Variants in PIK3R4 observed in about 807,000 individuals in gnomAD.
PIK3R4 encodes the protein phosphoinositide-3-kinase regulatory subunit 4.
In PIK3R4, 46 loss-of-function variants were observed where a neutral mutation model predicts 136.5. That is an observed-to-expected ratio of 0.34 (90% CI 0.27 to 0.43). The LOEUF is 0.43. Ranked by LOEUF, PIK3R4 falls within the 20% of genes least tolerant of loss-of-function variation. The probability of loss-of-function intolerance (pLI) is 1.00; values close to 1 mark genes in which losing one functional copy is unlikely to be tolerated. For synonymous variants in PIK3R4, 557 were observed against 566.7 expected (o/e 0.98, Z 0.24); for missense variants, 1,331 against 1,649.5 (o/e 0.81, Z 3.35).
intron 9 of PIK3R4, among the ~76,000 whole-genome samples, chr3:130,713,002 T>C (rs1421504341): frequency 1.3e-5 from 2 of 152,252 alleles, no homozygotes; most frequent in Non-Finnish European, 2.9e-5. Flanking sequence ...CTGCACTATA[T>C]GAACATAAGC....
intron 5 of PIK3R4, among the ~76,000 whole-genome samples, chr3:130,729,685 T>C (rs1225956179): frequency 9.9e-5 from 15 of 152,194 alleles, no homozygotes; most frequent in Admixed American, 9.8e-4. Flanking sequence ...CAAGTAACAA[T>C]TGTAGTTGTT....
rs1383413197 is a variant in PIK3R4 at position 130,723,436 on chromosome 3, A to T, written c.1959T>A (p.Val653=). 3 of 1,602,862 alleles carry T rather than the reference A, an allele frequency of 1.9e-6. No homozygotes were observed. The African/African-American group carries it at 4.0e-5, about 22-fold the overall frequency. The part of the protein sequence containing the change: ...CQLGLLQKPH[V]YEFASDIAPF... ...TACCAATATCACTGGCAAATTCGTA[A>T]ACATGGGGTTTTTGTAGCAGTCCTA... is the stretch of plus-strand genomic sequence containing the variant. Residue 653 remains valine (V), a synonymous_variant, in exon 7 of 20, where the codon GTT becomes GTA. Coordinates refer to ENST00000356763, the MANE Select transcript of PIK3R4 (RefSeq NM_014602.3).
intron 6 of PIK3R4, among the ~76,000 whole-genome samples, chr3:130,724,163 A>G (rs919000014): frequency 1.3e-5 from 2 of 152,212 alleles, no homozygotes; most frequent in African/African-American, 2.4e-5. Flanking sequence ...ATAGATTCTA[A>G]GCAACAAATA....
At chr3:130,708,139 CA>C (rs2066615793) in intron 10 of PIK3R4, 151 bp downstream of exon 10, 1 of 623,724 alleles carries the variant, frequency 1.6e-6, no homozygotes, top group Non-Finnish European at 2.7e-6. Context: ...TTTTCTTCCC[CA>C]AAATCTCCCT....
chr3:130,731,445 T>C (rs888154967), intron 4 of PIK3R4, among the ~76,000 whole-genome samples: 7 of 152,070 alleles, frequency 4.6e-5, no homozygotes, highest in African/African-American at 1.7e-4. Context: ...ATGCTCTGAA[T>C]AGAATAAAAA....
chr3:130,706,313 T>C (rs569478518), intron 11 of PIK3R4, among the ~76,000 whole-genome samples: 3 of 152,188 alleles, frequency 2.0e-5, no homozygotes, highest in Non-Finnish European at 2.9e-5. Context: ...CTCAGAACCT[T>C]ACATTAGCCA....
chr3:130,717,321 T>C (rs2107612924), intron 8 of PIK3R4, among the ~76,000 whole-genome samples: 1 of 152,264 alleles, frequency 6.6e-6, no homozygotes, highest in East Asian at 1.9e-4. Flanking sequence ...AAATGAATAA[T>C]TAGCCTCTCA....
chr3:130,730,706 C>CA (rs767601811), intron 4 of PIK3R4, among the ~76,000 whole-genome samples: 258 of 123,476 alleles, frequency 2.1e-3, no homozygotes, highest in African/African-American at 4.8e-3. Flanking sequence ...TACTGAGGAC[C>CA]AAAAAAAAAA....
At chr3:130,721,885 A>G (rs2066703205) in intron 7 of PIK3R4, among the ~76,000 whole-genome samples, 2 of 152,300 alleles carry the variant, frequency 1.3e-5, no homozygotes, top group South Asian at 4.1e-4. Flanking sequence ...ACTAGGGTGT[A>G]ACTCTTAAAT....
In PIK3R4 at chr3:130,716,392, C is replaced by A; in HGVS notation, c.2331+4G>T. On this transcript the variant is annotated splice_donor_region_variant and intron_variant, in intron 9 of 19. Coordinates refer to ENST00000356763, the MANE Select transcript of PIK3R4 (RefSeq NM_014602.3). ...AATGTAAGACTTTGGAAGGGTGATA[C>A]AACCTGTGAGAGCAACTTCTTCAGA... 6.2e-7 allele frequency: 1 copy of A among 1,612,124 alleles called. No individual in the cohort carries two copies. The highest frequency in any genetic ancestry group is 8.5e-7 in the Non-Finnish European group (1 of 1,178,272).
At chr3:130,726,936 G>A (rs2066735064) in intron 6 of PIK3R4, among the ~76,000 whole-genome samples, 1 of 151,998 alleles carries the variant, frequency 6.6e-6, no homozygotes, top group Admixed American at 6.6e-5. Flanking sequence ...TTCAGGAACT[G>A]AGTTAGATGA....
At chr3:130,723,644 T>G in intron 6 of PIK3R4, 57 bp from the exon 7 acceptor site, 1 of 1,435,562 alleles carries the variant, frequency 7.0e-7, no homozygotes, top group African/African-American at 1.4e-5. Flanking sequence ...ACATATATCA[T>G]TAAGTAAAGC....
chr3:130,743,229 A>C (rs1249164152), intron 2 of PIK3R4, among the ~76,000 whole-genome samples: 2 of 151,750 alleles, frequency 1.3e-5, no homozygotes, highest in African/African-American at 2.4e-5. Flanking sequence ...TGGGCAACAC[A>C]GTAAAATAGT....
intron 1 of PIK3R4, among the ~76,000 whole-genome samples, chr3:130,746,054 A>G (rs982288362): frequency 1.4e-4 from 22 of 152,052 alleles, no homozygotes; most frequent in African/African-American, 4.8e-4. Flanking sequence ...GAAAAACTGA[A>G]AACTGAAAAG....
chr3:130,688,100 CAA>C (rs915466540), intron 14 of PIK3R4, among the ~76,000 whole-genome samples: 1 of 152,136 alleles, frequency 6.6e-6, no homozygotes, highest in Non-Finnish European at 1.5e-5. Flanking sequence ...TATGCATACA[CAA>C]ATATCATGAG....
At chr3:130,732,128 CG>C (rs2066762917) in intron 4 of PIK3R4, among the ~76,000 whole-genome samples, 1 of 152,160 alleles carries the variant, frequency 6.6e-6, no homozygotes, top group African/African-American at 2.4e-5. Flanking sequence ...AGAATTAGAC[CG>C]GATACATTTG....
chr3:130,703,941 C>T, intron 12 of PIK3R4, 53 bp from the exon 13 acceptor site: 1 of 1,134,148 alleles, frequency 8.8e-7, no homozygotes, highest in South Asian at 1.4e-5. Flanking sequence ...AATACAATGT[C>T]CCCATCATCC....
At chr3:130,708,033 T>C (rs936220656) in intron 10 of PIK3R4, among the ~76,000 whole-genome samples, 2 of 152,212 alleles carry the variant, frequency 1.3e-5, no homozygotes, top group African/African-American at 4.8e-5. Context: ...GTGATTTTAC[T>C]GTAAAAGTAG....
At chr3:130,699,565 G>C (rs1182287637) in intron 13 of PIK3R4, among the ~76,000 whole-genome samples, 1 of 152,150 alleles carries the variant, frequency 6.6e-6, no homozygotes, top group Non-Finnish European at 1.5e-5. Context: ...TGAGAGTCAG[G>C]TGTTTTTCTT....
Sources: gnomAD v4.1 joint callset for allele counts (sites outside exome capture counted in the v4.1 genomes callset) on GRCh38, gnomAD v4.1.1 for gene constraint, MANE v1.5 for transcripts, NCBI Gene and HGNC (gene_info 2026-07-23, HGNC 2026-07-21) for gene names.